The following PTPRT variants were observed in gnomAD, a reference collection of about 807,000 sequenced individuals.
PTPRT encodes the protein protein tyrosine phosphatase receptor type T.
A neutral mutation model predicts 176.8 loss-of-function variants in PTPRT; 56 were observed. That is an observed-to-expected ratio of 0.32 (90% CI 0.26 to 0.40). The LOEUF is 0.40. Among genes scored for constraint, PTPRT ranks in the 10% least tolerant of loss-of-function variants. The probability of loss-of-function intolerance (pLI) is 1.00; values close to 1 mark genes in which losing one functional copy is unlikely to be tolerated. For synonymous variants in PTPRT, 783 were observed against 739.0 expected, an observed-to-expected ratio of 1.06 and a Z score of -0.96; for missense variants, 1,540 against 1,908.2, an observed-to-expected ratio of 0.81 and a Z score of 3.60.
chr20:42,223,610 A>G (rs879939525), intron 15 of PTPRT, among the ~76,000 whole-genome samples: 10 of 152,238 alleles, frequency 6.6e-5, no homozygotes, highest in African/African-American at 1.9e-4. Context: ...GTCAATGTGT[A>G]TACTTCAAAT....
intron 1 of PTPRT, among the ~76,000 whole-genome samples, chr20:43,042,531 C>T (rs1294612401): frequency 2.1e-5 from 3 of 141,870 alleles, no homozygotes; most frequent in Non-Finnish European, 3.0e-5. Context: ...AGATCTCTGC[C>T]TCAGGAAGAG....
At chr20:42,972,676 CAAAAAAAAAAA>C (rs33947245) in intron 1 of PTPRT, among the ~76,000 whole-genome samples, 2 of 77,560 alleles carry the variant, frequency 2.6e-5, no homozygotes, top group African/African-American at 5.0e-5. Context: ...TCTCAAAAAG[CAAAAAAAAAAA>C]AAAAAAAAAA....
chr20:43,153,338 G>T (rs1044324637), intron 1 of PTPRT, among the ~76,000 whole-genome samples: 5 of 152,214 alleles, frequency 3.3e-5, no homozygotes, highest in Admixed American at 1.3e-4. Flanking sequence ...TTTGCATGAG[G>T]TGAAGTGGAA....
At chr20:42,968,599 G>A (rs1214168490) in intron 1 of PTPRT, 2 of 152,234 alleles carry the variant, frequency 1.3e-5, no homozygotes, top group Non-Finnish European at 2.9e-5. Flanking sequence ...GAAGGCAAAT[G>A]CATCATAACA....
chr20:42,881,462 T>C (rs1250876377), intron 2 of PTPRT, among the ~76,000 whole-genome samples: 1 of 152,088 alleles, frequency 6.6e-6, no homozygotes, highest in Non-Finnish European at 1.5e-5. Flanking sequence ...CAGTGGCTCA[T>C]GCCTGTAATC....
At chr20:43,035,741 A>C (rs1986351086) in intron 1 of PTPRT, among the ~76,000 whole-genome samples, 2 of 152,252 alleles carry the variant, frequency 1.3e-5, no homozygotes, top group African/African-American at 4.8e-5. Context: ...CCAACAGTTT[A>C]AGAAAACAGA....
chr20:42,476,652 G>A (rs2071294734), intron 7 of PTPRT, among the ~76,000 whole-genome samples: 2 of 152,186 alleles, frequency 1.3e-5, no homozygotes, highest in Non-Finnish European at 1.5e-5. Context: ...AGGCAAGAAG[G>A]ACTCTGGTGA....
At chr20:42,620,976 C>G (rs184597010) in intron 7 of PTPRT, among the ~76,000 whole-genome samples, 1 of 152,080 alleles carries the variant, frequency 6.6e-6, no homozygotes, top group Non-Finnish European at 1.5e-5. Flanking sequence ...CCGAAACTTT[C>G]GTTTTTAAAA....
intron 9 of PTPRT, among the ~76,000 whole-genome samples, chr20:42,395,694 G>A (rs917905046): frequency 6.6e-6 from 1 of 152,028 alleles, no homozygotes; most frequent in African/African-American, 2.4e-5. Context: ...CCTCTCTGTT[G>A]CTGCATCTAA....
intron 16 of PTPRT, among the ~76,000 whole-genome samples, chr20:42,174,478 C>A (rs1308439364): frequency 6.6e-6 from 1 of 151,910 alleles, no homozygotes; most frequent in Non-Finnish European, 1.5e-5. Flanking sequence ...TAAATAAAAC[C>A]CGGTATTGAT....
At chr20:42,214,407 C>T (rs1293077625) in intron 15 of PTPRT, among the ~76,000 whole-genome samples, 3 of 152,168 alleles carry the variant, frequency 2.0e-5, no homozygotes, top group African/African-American at 7.2e-5. Context: ...CTGTTGGGTA[C>T]CAATTCTGGG....
intron 7 of PTPRT, among the ~76,000 whole-genome samples, chr20:42,540,395 AAAAG>A (rs2072557705): frequency 1.3e-5 from 2 of 152,284 alleles, no homozygotes; most frequent in African/African-American, 4.8e-5. Flanking sequence ...AGGCAGGAAA[AAAAG>A]AAAAAAAAGA....
chr20:42,595,032 G>A (rs1490828835), intron 7 of PTPRT, among the ~76,000 whole-genome samples: 1 of 152,060 alleles, frequency 6.6e-6, no homozygotes, highest in East Asian at 1.9e-4. Context: ...AGTAATGTTG[G>A]TCAGAACTCT....
the PTPRT span, among the ~76,000 whole-genome samples, chr20:42,046,139 G>T: frequency 5.9e-5 from 9 of 152,256 alleles, no homozygotes; most frequent in East Asian, 1.7e-3. Flanking sequence ...CCTTTTCCTG[G>T]GGCTGGGAGC....
At chr20:42,103,866 G>GCAATCCCTGA (rs1986175609) in intron 25 of PTPRT, among the ~76,000 whole-genome samples, 1 of 152,222 alleles carries the variant, frequency 6.6e-6, no homozygotes. Flanking sequence ...ACAAGTACCA[G>GCAATCCCTGA]CAATCCCTGA....
At chr20:43,110,634 T>C (rs1270742019) in intron 1 of PTPRT, among the ~76,000 whole-genome samples, 1 of 152,228 alleles carries the variant, frequency 6.6e-6, no homozygotes, top group Non-Finnish European at 1.5e-5. Flanking sequence ...ATATTTAAGA[T>C]ATATGCCCTT....
At chr20:42,364,467 T>C (rs943483583) in intron 9 of PTPRT, among the ~76,000 whole-genome samples, 3 of 152,230 alleles carry the variant, frequency 2.0e-5, no homozygotes, top group African/African-American at 7.2e-5. Flanking sequence ...GAGAAGGTTT[T>C]GTAAAGCCTA....
intron 2 of PTPRT, among the ~76,000 whole-genome samples, chr20:42,793,666 AT>A (rs1346463062): frequency 6.6e-6 from 1 of 152,186 alleles, no homozygotes; most frequent in Non-Finnish European, 1.5e-5. Flanking sequence ...CAGAGAAGTT[AT>A]TGAATTATCA....
chr20:42,509,609 C>T (rs1395789867), intron 7 of PTPRT, among the ~76,000 whole-genome samples: 3 of 147,858 alleles, frequency 2.0e-5, no homozygotes, highest in African/African-American at 2.5e-5. Flanking sequence ...TATCAATGCC[C>T]GATATAGAAT....
Sources: allele counts gnomAD v4.1 joint callset (sites outside exome capture counted in the v4.1 genomes callset), GRCh38; gene constraint gnomAD v4.1.1; transcripts MANE v1.5; gene names NCBI Gene and HGNC (gene_info 2026-07-23, HGNC 2026-07-21).